Variants in LPAR1 observed in about 807,000 individuals in gnomAD.
LPAR1 encodes the protein lysophosphatidic acid receptor 1, also known as LPA receptor 1.
A neutral mutation model predicts 23.8 loss-of-function variants in LPAR1; 5 were observed. The observed-to-expected ratio is 0.21, with a 90% confidence interval of 0.11 to 0.44. The LOEUF (loss-of-function observed/expected upper bound fraction) is 0.44, where lower values mean the gene tolerates loss of function less well. Ranked by LOEUF, LPAR1 falls within the 20% of genes least tolerant of loss-of-function variation. The pLI, the probability that LPAR1 is intolerant of heterozygous loss-of-function variation, is 0.99. For missense variants in LPAR1, 311 were observed against 482.8 expected, an observed-to-expected ratio of 0.64 and a Z score of 3.33; for synonymous variants, 160 against 164.7, an observed-to-expected ratio of 0.97 and a Z score of 0.22.
At chr9:110,954,328 T>C (rs1042155310) in intron 4 of LPAR1, among the ~76,000 whole-genome samples, 4 of 152,052 alleles carry the variant, frequency 2.6e-5, no homozygotes, top group Non-Finnish European at 5.9e-5. Context: ...TTGGACACAA[T>C]ATACTGATCA....
chr9:110,961,931 G>T (rs939171724), intron 4 of LPAR1, among the ~76,000 whole-genome samples: 1 of 152,138 alleles, frequency 6.6e-6, no homozygotes, highest in Non-Finnish European at 1.5e-5. Context: ...ATTTGGGTGG[G>T]AACACAGTCA....
chr9:111,031,223 A>T (rs1285423571), intron 2 of LPAR1, among the ~76,000 whole-genome samples: 1 of 152,018 alleles, frequency 6.6e-6, no homozygotes, highest in African/African-American at 2.4e-5. Flanking sequence ...TCATAAGTGA[A>T]ATACATTAGT....
chr9:110,951,828 T>C (rs1286630562), intron 4 of LPAR1, among the ~76,000 whole-genome samples: 2 of 152,108 alleles, frequency 1.3e-5, no homozygotes, highest in Non-Finnish European at 2.9e-5. Flanking sequence ...TGCCACTCTT[T>C]TAAAATATCA....
At chr9:111,005,138 G>T (rs1231863857) in intron 2 of LPAR1, among the ~76,000 whole-genome samples, 4 of 142,790 alleles carry the variant, frequency 2.8e-5, no homozygotes, top group African/African-American at 1.1e-4. Flanking sequence ...CTCTAGCCTG[G>T]GTGACAAAGT....
rs554348826 is a variant in LPAR1, at chr9:111,024,703, C to T, written c.-182+11419G>A. Among the ~76,000 whole-genome samples, 8 of 151,200 alleles carry T rather than the reference C, an allele frequency of 5.3e-5. No individual in the cohort carries two copies. The East Asian group carries it at 1.6e-3, about 30-fold the overall frequency. ...CTCCTAATGTTATCCCTCCCCTTGTCCCCCACCCCCCAACAGGTCCCAGTG... is the reference window on the plus strand; with the variant it reads ...CTCCTAATGTTATCCCTCCCCTTGTTCCCCACCCCCCAACAGGTCCCAGTG... On this transcript the variant is annotated intron_variant, in intron 2 of 5. Coordinates refer to ENST00000683809, the MANE Select transcript of LPAR1 (RefSeq NM_001351411.2).
intron 4 of LPAR1, among the ~76,000 whole-genome samples, chr9:110,962,281 G>A (rs1421950419): frequency 6.6e-6 from 1 of 152,162 alleles, no homozygotes; most frequent in Non-Finnish European, 1.5e-5. Flanking sequence ...TATGACCTGT[G>A]CCATTGAGCT....
chr9:111,012,105 G>T (rs10980691), intron 2 of LPAR1, among the ~76,000 whole-genome samples: 4 of 152,094 alleles, frequency 2.6e-5, no homozygotes, highest in Non-Finnish European at 5.9e-5. Flanking sequence ...TTTTAAATTA[G>T]CCAGGCATGG....
chr9:110,882,325 T>C (rs959798790), intron 5 of LPAR1, among the ~76,000 whole-genome samples: 2 of 152,204 alleles, frequency 1.3e-5, no homozygotes, highest in African/African-American at 4.8e-5. Flanking sequence ...CAGCAGACAC[T>C]CAGTATCTTC....
chr9:111,011,285 G>T (rs114604823), intron 2 of LPAR1, among the ~76,000 whole-genome samples: 1 of 152,150 alleles, frequency 6.6e-6, no homozygotes, highest in African/African-American at 2.4e-5. Flanking sequence ...ATCATTGGAA[G>T]AAAACTTCTG....
intron 5 of LPAR1, among the ~76,000 whole-genome samples, chr9:110,910,849 A>G (rs1397639425): frequency 6.6e-6 from 1 of 152,254 alleles, no homozygotes; most frequent in Non-Finnish European, 1.5e-5. Flanking sequence ...CTGAAGATGT[A>G]GCTAAATTGC....
chr9:110,907,916 A>AACACAC (rs35043548), intron 5 of LPAR1, among the ~76,000 whole-genome samples: 14,667 of 139,630 alleles, frequency 0.11, 775 homozygotes, highest in East Asian at 0.14. Context: ...CCTTTGACAA[A>AACACAC]ACACACACAC....
chr9:110,946,838 TTAA>T (rs1180078579), intron 4 of LPAR1, among the ~76,000 whole-genome samples: 2 of 152,104 alleles, frequency 1.3e-5, no homozygotes, highest in Admixed American at 6.6e-5. Flanking sequence ...AAATAGCAAT[TTAA>T]TAATAATCTG....
chr9:111,033,518 T>A (rs1389938590), intron 2 of LPAR1, among the ~76,000 whole-genome samples: 13 of 152,214 alleles, frequency 8.5e-5, no homozygotes, highest in African/African-American at 3.1e-4. Flanking sequence ...ACAAGGTAAT[T>A]GAAAGAAATT....
intron 5 of LPAR1, among the ~76,000 whole-genome samples, chr9:110,878,272 C>T (rs1411535354): frequency 6.6e-6 from 1 of 152,004 alleles, no homozygotes; most frequent in Non-Finnish European, 1.5e-5. Context: ...AATTCTGCGC[C>T]CCCCTCCCCC....
chr9:110,938,416 C>G (rs765547072), intron 5 of LPAR1, among the ~76,000 whole-genome samples: 4 of 152,172 alleles, frequency 2.6e-5, no homozygotes, highest in Non-Finnish European at 5.9e-5. Context: ...AATCATAATA[C>G]ATTTGCATTA....
chr9:110,933,848 T>C (rs1394984700), intron 5 of LPAR1, among the ~76,000 whole-genome samples: 1 of 152,206 alleles, frequency 6.6e-6, no homozygotes, highest in African/African-American at 2.4e-5. Flanking sequence ...GTTAGGTTCA[T>C]GTGGTATTTT....
intron 3 of LPAR1, 115 bp from the exon 4 acceptor site, chr9:110,972,335 T>G: frequency 1.9e-6 from 1 of 527,914 alleles, no homozygotes. Flanking sequence ...AATACTAGCT[T>G]AATGCAAACA....
In LPAR1 at chr9:110,977,808, G is replaced by GA. The variant is rs371173733; in HGVS notation, c.-181-4251dup. Among the ~76,000 whole-genome samples the GA allele has an allele frequency of 1.1e-3, 101 of 87,942 alleles. 2 individuals are homozygous for GA. The highest frequency in any genetic ancestry group is 5.2e-3 in the Middle Eastern group (1 of 194). The allele number at this position is 87,942 out of a possible 152,430, so 57.7% of individuals were successfully genotyped here. On this transcript the variant is annotated intron_variant, in intron 2 of 5. Transcript: ENST00000683809. Reference sequence around the variant, plus strand: ...GGAAAGAAGGAAGGAAGGAAGGAAGGAGGGAGGGAGGGCGGGAGGGAGGGA... The same window carrying GA: ...GGAAAGAAGGAAGGAAGGAAGGAAGGAAGGGAGGGAGGGCGGGAGGGAGGGA...
chr9:110,971,690 T>C (rs2096425022), intron 4 of LPAR1, among the ~76,000 whole-genome samples: 1 of 152,146 alleles, frequency 6.6e-6, no homozygotes, highest in Non-Finnish European at 1.5e-5. Context: ...TGTTATAAAA[T>C]TAGATCCATT....
Sources: gnomAD v4.1 joint callset for allele counts (sites outside exome capture counted in the v4.1 genomes callset) on GRCh38, gnomAD v4.1.1 for gene constraint, MANE v1.5 for transcripts, NCBI Gene and HGNC (gene_info 2026-07-23, HGNC 2026-07-21) for gene names.